The following SOX6 variants were observed in gnomAD, a reference collection of about 807,000 sequenced individuals.
The protein encoded by SOX6 is transcription factor SOX-6.
A neutral mutation model predicts 97.8 loss-of-function variants in SOX6; 11 were observed. The ratio of observed to expected loss-of-function variants is 0.11; its 90% CI spans 0.07 to 0.19. The LOEUF (loss-of-function observed/expected upper bound fraction) is 0.19. SOX6 is among the 10% of genes least tolerant of loss of function. The probability of loss-of-function intolerance (pLI) is 1.00; values close to 1 mark genes in which losing one functional copy is unlikely to be tolerated. For synonymous variants in SOX6, 360 were observed against 371.4 expected (o/e 0.97, Z 0.35); for missense variants, 810 against 1,039.5 (o/e 0.78, Z 3.04).
chr11:16,299,283 T>C (rs1855183624), intron 3 of SOX6, among the ~76,000 whole-genome samples: 1 of 152,146 alleles, frequency 6.6e-6, no homozygotes, highest in Non-Finnish European at 1.5e-5. Flanking sequence ...CTTTGAGGAT[T>C]AAGAAAATGA....
At chr11:16,673,567 C>T (rs1590047229) in intron 3 of SOX6, among the ~76,000 whole-genome samples, 2 of 152,136 alleles carry the variant, frequency 1.3e-5, no homozygotes, top group South Asian at 2.1e-4. Flanking sequence ...GAAGAAATCT[C>T]GAACAGACTA....
intron 3 of SOX6, among the ~76,000 whole-genome samples, chr11:16,248,355 C>T (rs2134195154): frequency 6.6e-6 from 1 of 152,320 alleles, no homozygotes; most frequent in African/African-American, 2.4e-5. Flanking sequence ...CCAGTGGGGA[C>T]TCTGTGTAGG....
At chr11:16,366,905 C>A (rs995503157) in intron 1 of SOX6, among the ~76,000 whole-genome samples, 1 of 152,114 alleles carries the variant, frequency 6.6e-6, no homozygotes, top group African/African-American at 2.4e-5. Flanking sequence ...TGAATAAGCT[C>A]TATTAGGTCA....
At chr11:16,711,104 G>C (rs935352288) in intron 3 of SOX6, among the ~76,000 whole-genome samples, 1 of 151,950 alleles carries the variant, frequency 6.6e-6, no homozygotes, top group African/African-American at 2.4e-5. Flanking sequence ...CTTAACCCAG[G>C]TCCCCATTAT....
intron 4 of SOX6, among the ~76,000 whole-genome samples, chr11:16,483,156 A>G (rs562116570): frequency 6.6e-6 from 1 of 152,286 alleles, no homozygotes; most frequent in East Asian, 1.9e-4. Context: ...CTGATACTCC[A>G]TTTTGCAGCC....
intron 1 of SOX6, among the ~76,000 whole-genome samples, chr11:16,413,114 A>T (rs1858855066): frequency 6.6e-6 from 1 of 152,240 alleles, no homozygotes; most frequent in Admixed American, 6.5e-5. Flanking sequence ...CAGAGGAAAA[A>T]TATAAAAACA....
At chr11:16,468,989 T>C (rs965378558) in intron 1 of SOX6, among the ~76,000 whole-genome samples, 4 of 151,992 alleles carry the variant, frequency 2.6e-5, no homozygotes, top group African/African-American at 9.7e-5. Flanking sequence ...AATTGAGCAA[T>C]TAACTTGAAA....
intron 2 of SOX6, among the ~76,000 whole-genome samples, 186 bp downstream of exon 2, chr11:16,340,826 A>T (rs1856605989): frequency 6.6e-6 from 1 of 152,114 alleles, no homozygotes; most frequent in Non-Finnish European, 1.5e-5. Flanking sequence ...ACGTATATAC[A>T]CTAAATCACA....
chr11:16,479,055 T>TA (rs943431642), upstream of SOX6, among the ~76,000 whole-genome samples: 1 of 151,800 alleles, frequency 6.6e-6, no homozygotes, highest in East Asian at 1.9e-4. Context: ...AAATTTAAAT[T>TA]AAAAAAAATA....
chr11:16,029,653 A>G (rs1402582305), intron 12 of SOX6, among the ~76,000 whole-genome samples: 1 of 152,220 alleles, frequency 6.6e-6, no homozygotes, highest in East Asian at 1.9e-4. Flanking sequence ...AAAACAAAAA[A>G]AAAACCGATT....
At chr11:15,979,064 T>TAA (rs1491218830) in intron 15 of SOX6, among the ~76,000 whole-genome samples, 14 of 140,458 alleles carry the variant, frequency 1.0e-4, no homozygotes, top group Admixed American at 2.2e-4. Flanking sequence ...TATATATATA[T>TAA]AAAACTGCTT....
At chr11:16,096,357 G>A (rs1848794465) in intron 8 of SOX6, among the ~76,000 whole-genome samples, 1 of 151,844 alleles carries the variant, frequency 6.6e-6, no homozygotes, top group Admixed American at 6.6e-5. Flanking sequence ...TATAGGAAGA[G>A]AAGAAATATA....
At chr11:16,559,575 A>G (rs1847786344) in intron 4 of SOX6, among the ~76,000 whole-genome samples, 1 of 152,158 alleles carries the variant, frequency 6.6e-6, no homozygotes, top group South Asian at 2.1e-4. Context: ...AAAGTACTCA[A>G]TACACCATTT....
chr11:16,116,222 G>A (rs1389848455), intron 6 of SOX6, among the ~76,000 whole-genome samples: 1 of 152,072 alleles, frequency 6.6e-6, no homozygotes, highest in Non-Finnish European at 1.5e-5. Context: ...GACCACAGCA[G>A]CTAATATTTT....
In SOX6 at chr11:16,398,353, T is replaced by A. The variant is rs188287992; in HGVS notation, c.-4-57101A>T. On this transcript the variant is annotated intron_variant, in intron 1 of 15. Transcript: ENST00000396356. ...CTGTAGCTGAGTGCAGTAGTCCATC[T>A]AAAACCATAACCATTCCCTGGCCTT... Among the ~76,000 whole-genome samples, 11 of 151,626 alleles carry A rather than the reference T, an allele frequency of 7.3e-5. No homozygotes were observed. In the East Asian group the frequency reaches 2.1e-3, roughly 29 times the overall value.
intron 3 of SOX6, among the ~76,000 whole-genome samples, chr11:16,713,326 T>G (rs994677270): frequency 2.6e-5 from 4 of 152,186 alleles, no homozygotes; most frequent in Non-Finnish European, 4.4e-5. Flanking sequence ...TTTACTAAAT[T>G]GTTTTTAAAA....
intron 14 of SOX6, among the ~76,000 whole-genome samples, chr11:15,986,971 G>A (rs1447393646): frequency 1.3e-5 from 2 of 152,134 alleles, no homozygotes; most frequent in East Asian, 3.8e-4. Context: ...AGAAGTTATA[G>A]CTTTAGAACC....
At chr11:16,132,505 A>AAAGCAAGC (rs57320186) in intron 6 of SOX6, among the ~76,000 whole-genome samples, 2,912 of 85,992 alleles carry the variant, frequency 0.034, 356 homozygotes, top group Admixed American at 0.057. Context: ...AGAAAGAAAG[A>AAAGCAAGC]AAGCTTATCT....
intron 2 of SOX6, among the ~76,000 whole-genome samples, chr11:16,728,208 A>G (rs573046532): frequency 1.3e-5 from 2 of 152,346 alleles, no homozygotes; most frequent in South Asian, 4.1e-4. Flanking sequence ...AGAGACCCCC[A>G]GCATAGCACT....
Sources: allele counts gnomAD v4.1 joint callset (sites outside exome capture counted in the v4.1 genomes callset), GRCh38; gene constraint gnomAD v4.1.1; transcripts MANE v1.5; gene names NCBI Gene and HGNC (gene_info 2026-07-23, HGNC 2026-07-21).